The following PDE4D variants were observed in gnomAD, a reference collection of about 807,000 sequenced individuals.
PDE4D encodes the protein 3',5'-cyclic-AMP phosphodiesterase 4D.
In PDE4D, 24 loss-of-function variants were observed where a neutral mutation model predicts 87.4. The ratio of observed to expected loss-of-function variants is 0.27; its 90% CI spans 0.20 to 0.39. PDE4D has a LOEUF of 0.39. PDE4D is among the 10% of genes least tolerant of loss of function. PDE4D has a pLI of 1.00. For synonymous variants in PDE4D, 384 were observed against 383.2 expected (o/e 1.00, Z -0.02); for missense variants, 714 against 1,041.0 (o/e 0.69, Z 4.32).
chr5:60,109,177 A>T (rs1345393233), intron 2 of PDE4D, among the ~76,000 whole-genome samples: 1 of 152,114 alleles, frequency 6.6e-6, no homozygotes, highest in Non-Finnish European at 1.5e-5. Flanking sequence ...AAAAACAAAC[A>T]ACCCCATCAA....
At chr5:59,275,332 CG>C (rs755253051) in intron 1 of PDE4D, 1 of 1,591,872 alleles carries the variant, frequency 6.3e-7, no homozygotes, top group Non-Finnish European at 8.5e-7. Flanking sequence ...GAGAAAAGAA[CG>C]TTACCAAACT....
chr5:60,058,755 GC>G (rs1279748199), intron 2 of PDE4D, among the ~76,000 whole-genome samples: 1 of 151,766 alleles, frequency 6.6e-6, no homozygotes, highest in Non-Finnish European at 1.5e-5. Flanking sequence ...ATCTCTTGTT[GC>G]CCTATAACAT....
intron 1 of PDE4D, among the ~76,000 whole-genome samples, chr5:60,272,909 T>C (rs1750960846): frequency 6.6e-6 from 1 of 152,204 alleles, no homozygotes; most frequent in Non-Finnish European, 1.5e-5. Flanking sequence ...GAGAAGCCAC[T>C]ATCTATAATG....
At chr5:59,241,992 C>G (rs1757777312) in intron 1 of PDE4D, among the ~76,000 whole-genome samples, 1 of 152,090 alleles carries the variant, frequency 6.6e-6, no homozygotes, top group Non-Finnish European at 1.5e-5. Flanking sequence ...TTAATATATT[C>G]ATTTCTGTAT....
At chr5:59,215,338 A>C (rs1340830356) in intron 2 of PDE4D, 1 of 179,762 alleles carries the variant, frequency 5.6e-6, no homozygotes, top group Non-Finnish European at 1.2e-5. Context: ...TACATACATT[A>C]ATTGAAATAT....
At chr5:59,374,941 A>G (rs1293650304) in intron 1 of PDE4D, among the ~76,000 whole-genome samples, 1 of 152,230 alleles carries the variant, frequency 6.6e-6, no homozygotes, top group Non-Finnish European at 1.5e-5. Flanking sequence ...CCTTTTGGGT[A>G]AATAATGAAA....
At chr5:59,148,910 T>C (rs1779073567) in intron 5 of PDE4D, among the ~76,000 whole-genome samples, 1 of 151,986 alleles carries the variant, frequency 6.6e-6, no homozygotes, top group South Asian at 2.1e-4. Context: ...ATGTAACCAC[T>C]GTTCAAAGGA....
chr5:60,340,076 G>A lies in PDE4D; in HGVS notation c.-90+147866C>T, dbSNP rs983971056. 3.9e-4 allele frequency among the ~76,000 whole-genome samples: 59 copies of A among 152,202 alleles called. 1 individual carries two copies. The highest frequency in any genetic ancestry group is 3.6e-3 in the Admixed American group (55 of 15,284). ...TTATGTCAATGTGCATGTGGCTTTG[G>A]AGCGCCTAAAAACTGGCACAAAGCA... is the stretch of plus-strand genomic sequence containing the variant. On this transcript the variant is annotated intron_variant, in intron 1 of 16. Coordinates refer to the PDE4D transcript ENST00000502484.
chr5:60,296,641 C>T (rs1351915097), intron 1 of PDE4D, among the ~76,000 whole-genome samples: 2 of 152,102 alleles, frequency 1.3e-5, no homozygotes, highest in Non-Finnish European at 2.9e-5. Context: ...GACACATGCA[C>T]GTATATGTTT....
chr5:59,958,053 G>A (rs981819992), intron 3 of PDE4D, among the ~76,000 whole-genome samples: 2 of 152,022 alleles, frequency 1.3e-5, no homozygotes, highest in African/African-American at 4.8e-5. Flanking sequence ...CATTTATGGA[G>A]GTAAAGGATA....
chr5:59,300,530 GT>G (rs1770011036), intron 1 of PDE4D, among the ~76,000 whole-genome samples: 2 of 152,216 alleles, frequency 1.3e-5, no homozygotes, highest in South Asian at 4.1e-4. Flanking sequence ...GTGTTTGTTT[GT>G]TTTTCACAAG....
intron 1 of PDE4D, among the ~76,000 whole-genome samples, chr5:60,207,934 C>A (rs1377520119): frequency 2.0e-5 from 3 of 152,182 alleles, no homozygotes. Flanking sequence ...GTCATTATAG[C>A]ATTTCTGCTG....
intron 1 of PDE4D, among the ~76,000 whole-genome samples, chr5:59,891,137 T>C (rs2152753990): frequency 6.6e-6 from 1 of 152,352 alleles, no homozygotes; most frequent in Admixed American, 6.5e-5. Context: ...CATCTTAGTT[T>C]GCCTGTGAAC....
At chr5:59,914,911 GTA>G (rs1554112446) in intron 3 of PDE4D, among the ~76,000 whole-genome samples, 72 of 136,292 alleles carry the variant, frequency 5.3e-4, no homozygotes, top group African/African-American at 1.7e-3. Context: ...GTGTGTGTGT[GTA>G]TGTGTGTAAA....
intron 2 of PDE4D, among the ~76,000 whole-genome samples, chr5:60,131,396 C>T (rs1300045553): frequency 6.6e-6 from 1 of 152,174 alleles, no homozygotes; most frequent in African/African-American, 2.4e-5. Context: ...TAGTTCTTCT[C>T]ATCAACAAAT....
chr5:59,783,461 T>C (rs1764823448), intron 1 of PDE4D, among the ~76,000 whole-genome samples: 1 of 152,358 alleles, frequency 6.6e-6, no homozygotes, highest in East Asian at 1.9e-4. Context: ...CTTCCACTAC[T>C]GTGAGGAAGC....
At chr5:60,122,796 T>C (rs1778806478) in intron 2 of PDE4D, among the ~76,000 whole-genome samples, 2 of 152,222 alleles carry the variant, frequency 1.3e-5, no homozygotes, top group South Asian at 4.1e-4. Context: ...CCTCAGAAAA[T>C]AGGTTTTTCT....
At chr5:60,512,832 G>A (rs963662228) in intron 1 of PDE4D, among the ~76,000 whole-genome samples, 10 of 152,042 alleles carry the variant, frequency 6.6e-5, no homozygotes, top group African/African-American at 2.4e-4. Context: ...CAGAAAAAAC[G>A]AGGAGTCAAA....
chr5:59,574,083 T>TA (rs1561240647), intron 1 of PDE4D, among the ~76,000 whole-genome samples: 126 of 10,040 alleles, frequency 0.013, 3 homozygotes, highest in African/African-American at 0.037. Context: ...TATATATATA[T>TA]TTATATATAT....
Sources: allele counts gnomAD v4.1 joint callset (sites outside exome capture counted in the v4.1 genomes callset), GRCh38; gene constraint gnomAD v4.1.1; transcripts MANE v1.5; gene names NCBI Gene and HGNC (gene_info 2026-07-23, HGNC 2026-07-21).